The following CCSER1 variants were observed in gnomAD, a reference collection of about 807,000 sequenced individuals.
CCSER1 encodes the protein coiled-coil serine rich protein 1.
CCSER1 carries 41 observed loss-of-function variants against 82.0 expected under a neutral mutation model. The ratio of observed to expected loss-of-function variants is 0.50; its 90% confidence interval spans 0.39 to 0.65. CCSER1 has a LOEUF of 0.65. Ranked by LOEUF, CCSER1 falls within the 30% of genes least tolerant of loss-of-function variation. The pLI, the probability that CCSER1 is intolerant of heterozygous loss-of-function variation, is 0.00. For missense variants in CCSER1, 1,119 were observed against 1,064.2 expected (o/e 1.05, Z -0.72); for synonymous variants, 414 against 383.9 (o/e 1.08, Z -0.92).
intron 10 of CCSER1, among the ~76,000 whole-genome samples, chr4:91,468,465 CA>C (rs1757066206): frequency 6.6e-6 from 1 of 151,392 alleles, no homozygotes; most frequent in Non-Finnish European, 1.5e-5. Flanking sequence ...AATAAGCCTG[CA>C]CTTTGTGCAC....
intron 10 of CCSER1, among the ~76,000 whole-genome samples, chr4:91,316,876 C>T (rs1349295327): frequency 6.6e-6 from 1 of 151,890 alleles, no homozygotes; most frequent in Non-Finnish European, 1.5e-5. Context: ...TTGCCAGAGG[C>T]TGGTGGCAGA....
chr4:91,254,004 C>T (rs2149152698), intron 10 of CCSER1, among the ~76,000 whole-genome samples: 1 of 152,296 alleles, frequency 6.6e-6, no homozygotes. Context: ...CCACCTCCAA[C>T]ATTGGGGATT....
At chr4:91,464,063 G>A (rs1756696074) in intron 10 of CCSER1, among the ~76,000 whole-genome samples, 1 of 152,072 alleles carries the variant, frequency 6.6e-6, no homozygotes, top group Admixed American at 6.6e-5. Flanking sequence ...CAGATTTACT[G>A]AAGTTGAAAT....
intron 10 of CCSER1, among the ~76,000 whole-genome samples, chr4:91,366,868 T>G (rs933015147): frequency 2.6e-5 from 4 of 152,176 alleles, no homozygotes; most frequent in African/African-American, 4.8e-5. Context: ...GGCAATGGGT[T>G]TGCACACAAT....
At chr4:90,527,970 A>G (rs566040035) in intron 5 of CCSER1, among the ~76,000 whole-genome samples, 1 of 152,148 alleles carries the variant, frequency 6.6e-6, no homozygotes, top group Non-Finnish European at 1.5e-5. Context: ...CATAGGGGAA[A>G]TTATGATGAT....
chr4:91,437,550 G>A (rs1043138303), intron 10 of CCSER1, among the ~76,000 whole-genome samples: 17 of 152,268 alleles, frequency 1.1e-4, no homozygotes, highest in Non-Finnish European at 1.6e-4. Context: ...CAGCGTGAGC[G>A]ATGCAGAAGA....
intron 9 of CCSER1, among the ~76,000 whole-genome samples, chr4:90,993,997 G>A (rs1737269161): frequency 6.6e-6 from 1 of 151,922 alleles, no homozygotes; most frequent in East Asian, 1.9e-4. Context: ...CACTCATCCT[G>A]ACAAACCCAT....
At chr4:90,468,567 T>C in intron 5 of CCSER1, 1 of 411,600 alleles carries the variant, frequency 2.4e-6, no homozygotes, top group Non-Finnish European at 4.2e-6. Context: ...TCAAGTTTCA[T>C]TTTGTTACCT....
At position 90,815,784 on chromosome 4, in the gene CCSER1, C is replaced by T. The variant is rs1245575383; in HGVS notation, c.2033C>T (p.Ser678Leu). 1.4e-5 allele frequency: 21 copies of T among 1,550,576 alleles called. No homozygotes were observed. The highest frequency in any genetic ancestry group is 3.6e-5 in the South Asian group (3 of 83,972). Residue 678 changes from serine to leucine, a missense_variant, in exon 8 of 11, where the codon TCG becomes TTG. Ser to Leu is a moderately radical substitution (Grantham distance 145). Transcript: ENST00000509176. Reference sequence around the variant, plus strand: ...TAGGATATAATGAAAGATGAATGCTCGATGCTCAAGCTGCAGCTGAAAGAG... The same window carrying T: ...TAGGATATAATGAAAGATGAATGCTTGATGCTCAAGCTGCAGCTGAAAGAG... ...PFKDIMKDEC[S>L]MLKLQLKEKD...
chr4:90,555,207 C>T (rs1257020709), intron 5 of CCSER1, among the ~76,000 whole-genome samples: 1 of 151,642 alleles, frequency 6.6e-6, no homozygotes, highest in South Asian at 2.1e-4. Flanking sequence ...TACATAGGAA[C>T]GTTTCTTGAT....
At chr4:90,938,028 T>A (rs1424284252) in intron 9 of CCSER1, among the ~76,000 whole-genome samples, 1 of 152,288 alleles carries the variant, frequency 6.6e-6, no homozygotes, top group Non-Finnish European at 1.5e-5. Context: ...GCAGATATCA[T>A]ATTCTATGCT....
intron 5 of CCSER1, among the ~76,000 whole-genome samples, chr4:90,561,030 G>T (rs577745555): frequency 1.3e-4 from 20 of 152,216 alleles, no homozygotes; most frequent in South Asian, 4.1e-4. Flanking sequence ...TTCTCACAGG[G>T]TATTTGTTCT....
intron 5 of CCSER1, among the ~76,000 whole-genome samples, chr4:90,599,722 C>A (rs754656965): frequency 6.6e-6 from 1 of 152,088 alleles, no homozygotes; most frequent in Non-Finnish European, 1.5e-5. Context: ...CTCTGGCACT[C>A]CTCTTTAGTT....
At chr4:91,205,364 T>C (rs1736259279) in intron 10 of CCSER1, among the ~76,000 whole-genome samples, 1 of 151,868 alleles carries the variant, frequency 6.6e-6, no homozygotes, top group African/African-American at 2.4e-5. Flanking sequence ...CTTTGATATA[T>C]TTCAAGTACC....
intron 10 of CCSER1, among the ~76,000 whole-genome samples, chr4:91,550,408 A>G (rs1368916931): frequency 1.3e-5 from 2 of 151,950 alleles, no homozygotes; most frequent in Admixed American, 6.6e-5. Flanking sequence ...AGATTTTCCT[A>G]TTGCTTCCCA....
intron 10 of CCSER1, among the ~76,000 whole-genome samples, chr4:91,202,526 G>A (rs1735982632): frequency 6.6e-6 from 1 of 151,972 alleles, no homozygotes; most frequent in Non-Finnish European, 1.5e-5. Flanking sequence ...TTGTCACAAT[G>A]TCAAGGATTT....
chr4:90,861,395 T>C (rs1765070251), intron 8 of CCSER1, among the ~76,000 whole-genome samples: 1 of 151,766 alleles, frequency 6.6e-6, no homozygotes, highest in South Asian at 2.1e-4. Flanking sequence ...GTATAATGAT[T>C]GATGTCCCAG....
At chr4:90,478,421 T>C (rs139574115) in intron 5 of CCSER1, among the ~76,000 whole-genome samples, 249 of 152,298 alleles carry the variant, frequency 1.6e-3, no homozygotes, top group African/African-American at 5.8e-3. Flanking sequence ...AAATATTGTG[T>C]GTGTAGGATG....
rs186372188 is a variant in CCSER1, at chr4:90,439,833, T to A, written c.1604-28401T>A. On this transcript the variant is annotated intron_variant, in intron 4 of 10. Transcript: ENST00000509176. ...ACATCTTCTTTCAGAGTCCAGATGTTCTAAACCTTTTACTTTTTGTTCTAT... is the reference window on the plus strand; with the variant it reads ...ACATCTTCTTTCAGAGTCCAGATGTACTAAACCTTTTACTTTTTGTTCTAT... Among the ~76,000 whole-genome samples the A allele has an allele frequency of 1.7e-3, 264 of 152,280 alleles. No homozygotes were observed. In the Middle Eastern group the frequency reaches 0.031, roughly 18 times the overall value.
Sources: allele counts gnomAD v4.1 joint callset (sites outside exome capture counted in the v4.1 genomes callset), GRCh38; gene constraint gnomAD v4.1.1; transcripts MANE v1.5; gene names NCBI Gene and HGNC (gene_info 2026-07-23, HGNC 2026-07-21).